IPCEF1: variants seen among roughly 807,000 people sequenced by gnomAD.
The protein encoded by IPCEF1 is interaction protein for cytohesin exchange factors 1.
A neutral mutation model predicts 50.9 loss-of-function variants in IPCEF1; 31 were observed. The observed-to-expected ratio is 0.61, with a 90% confidence interval of 0.46 to 0.82. IPCEF1 has a LOEUF of 0.82. Ranked by LOEUF, IPCEF1 falls within the 40% of genes least tolerant of loss-of-function variation. IPCEF1 has a pLI of 0.00. For synonymous variants in IPCEF1, 181 were observed against 192.0 expected, an observed-to-expected ratio of 0.94 and a Z score of 0.47; for missense variants, 458 against 514.0, an observed-to-expected ratio of 0.89 and a Z score of 1.05.
chr6:154,319,961 G>A (rs949391588), intron 1 of IPCEF1, among the ~76,000 whole-genome samples: 3 of 152,138 alleles, frequency 2.0e-5, no homozygotes, highest in African/African-American at 7.2e-5. Context: ...AGTTAAGGAG[G>A]CCAATCATAT....
At chr6:154,246,810 G>T in intron 4 of IPCEF1, 50 bp from the exon 5 acceptor site, 1 of 1,585,148 alleles carries the variant, frequency 6.3e-7, no homozygotes, top group East Asian at 2.3e-5. Context: ...TGATTTGGTA[G>T]GTAAAGTATT....
At chr6:154,329,132 C>T (rs1783594083) in intron 1 of IPCEF1, among the ~76,000 whole-genome samples, 1 of 152,146 alleles carries the variant, frequency 6.6e-6, no homozygotes, top group Admixed American at 6.6e-5. Context: ...TAAAAATCTG[C>T]CACGTGCAGT....
chr6:154,198,627 T>TACACACACACAC (rs1776815529), intron 10 of IPCEF1, among the ~76,000 whole-genome samples: 1 of 73,886 alleles, frequency 1.4e-5, no homozygotes, highest in East Asian at 9.7e-4. Context: ...TTTAAAATAT[T>TACACACACACAC]ACATACACAC....
intron 10 of IPCEF1, among the ~76,000 whole-genome samples, chr6:154,172,942 C>T (rs758703912): frequency 6.6e-6 from 1 of 152,176 alleles, no homozygotes; most frequent in Non-Finnish European, 1.5e-5. Context: ...AGTGGGTGCC[C>T]CTCTGGGGCA....
At chr6:154,185,588 T>C (rs1000204460) in intron 10 of IPCEF1, among the ~76,000 whole-genome samples, 2 of 152,210 alleles carry the variant, frequency 1.3e-5, no homozygotes, top group African/African-American at 4.8e-5. Context: ...TAACACAAAA[T>C]ATGCCATATG....
chr6:154,261,819 CT>C (rs976862963), intron 3 of IPCEF1, among the ~76,000 whole-genome samples: 1 of 152,140 alleles, frequency 6.6e-6, no homozygotes, highest in African/African-American at 2.4e-5. Context: ...TTCCTTCCCC[CT>C]ACCCCCAACA....
chr6:154,318,607 T>G (rs1186358339), intron 1 of IPCEF1, among the ~76,000 whole-genome samples: 1 of 151,508 alleles, frequency 6.6e-6, no homozygotes, highest in Non-Finnish European at 1.5e-5. Context: ...GTCTCAGCAC[T>G]TTGGGAGGCC....
intron 9 of IPCEF1, among the ~76,000 whole-genome samples, chr6:154,207,330 T>A (rs1401454129): frequency 2.6e-5 from 4 of 152,254 alleles, no homozygotes; most frequent in Non-Finnish European, 4.4e-5. Flanking sequence ...AATCATTTTT[T>A]GAAATCTTGA....
intron 5 of IPCEF1, among the ~76,000 whole-genome samples, chr6:154,231,068 A>C (rs1389765698): frequency 6.6e-6 from 1 of 152,148 alleles, no homozygotes; most frequent in Non-Finnish European, 1.5e-5. Flanking sequence ...CAAAACCCCC[A>C]GGGCACTGGA....
At chr6:154,349,430 T>G (rs1784087262) in intron 1 of IPCEF1, among the ~76,000 whole-genome samples, 1 of 151,890 alleles carries the variant, frequency 6.6e-6, no homozygotes, top group African/African-American at 2.4e-5. Context: ...TTGCTATACG[T>G]TGCTTGGGCT....
chr6:154,159,953 T>C lies in IPCEF1; in HGVS notation c.1192A>G (p.Asn398Asp). 1 of 1,613,544 alleles carries C rather than the reference T, an allele frequency of 6.2e-7. No homozygotes were observed. The highest frequency in any genetic ancestry group is 8.5e-7 in the Non-Finnish European group (1 of 1,179,994). Residue 398 changes from asparagine to aspartate, a missense_variant, in exon 12 of 12, where the codon AAC (asparagine) becomes GAC (aspartate). By Grantham distance (23) the Asn-to-Asp change is conservative. Coordinates refer to ENST00000367220, the MANE Select transcript of IPCEF1 (RefSeq NM_001130700.2). ...ARKYREWKVM[N>D]TLLIQDIYQQ... Reference sequence around the variant, plus strand: ...TAGATGTCCTGGATCAGCAGGGTGTTCATGACTTTCCACTCTCTGTATTTC... The same window carrying C: ...TAGATGTCCTGGATCAGCAGGGTGTCCATGACTTTCCACTCTCTGTATTTC...
chr6:154,229,165 G>T lies in IPCEF1; in HGVS notation c.247-5922C>A, dbSNP rs75819042. 7.2e-5 allele frequency among the ~76,000 whole-genome samples: 11 copies of T among 152,280 alleles called. No homozygotes were observed. The East Asian group carries it at 2.1e-3, about 29-fold the overall frequency. ...TGGTTGTTTGTCTGCTTCTCCAATG[G>T]ATTGTGAGTACCTTGAAGGAAATAA... On this transcript the variant is annotated intron_variant, in intron 5 of 11. Coordinates refer to ENST00000367220, the MANE Select transcript of IPCEF1 (RefSeq NM_001130700.2).
chr6:154,334,333 C>T (rs571887652), intron 1 of IPCEF1, among the ~76,000 whole-genome samples: 21 of 152,278 alleles, frequency 1.4e-4, no homozygotes, highest in South Asian at 4.2e-4. Context: ...ATTTGGAAAG[C>T]CACCGAAACT....
At chr6:154,270,942 C>T (rs7757273) in intron 2 of IPCEF1, among the ~76,000 whole-genome samples, 65,329 of 152,096 alleles carry the variant, frequency 0.43, 15,215 homozygotes, top group East Asian at 0.64. Context: ...TGCCACTGCA[C>T]TCCAGCCTAG....
chr6:154,223,704 T>C (rs1461928014), intron 5 of IPCEF1, among the ~76,000 whole-genome samples: 1 of 152,240 alleles, frequency 6.6e-6, no homozygotes, highest in Non-Finnish European at 1.5e-5. Flanking sequence ...TACATTCCTA[T>C]CATGGATTGA....
At chr6:154,166,250 G>A (rs957370995) in intron 11 of IPCEF1, among the ~76,000 whole-genome samples, 5 of 152,242 alleles carry the variant, frequency 3.3e-5, no homozygotes, top group African/African-American at 1.2e-4. Context: ...GACCCATAGG[G>A]AATGGTAACA....
chr6:154,310,437 T>C (rs2351130), intron 1 of IPCEF1, among the ~76,000 whole-genome samples: 34,469 of 152,062 alleles, frequency 0.23, 4,277 homozygotes, highest in Non-Finnish European at 0.27. Flanking sequence ...ACACTGTTGG[T>C]GGGAATGTAA....
chr6:154,232,969 CTTT>C (rs780567029), intron 5 of IPCEF1, among the ~76,000 whole-genome samples: 7 of 134,584 alleles, frequency 5.2e-5, no homozygotes, highest in Admixed American at 2.3e-4. Context: ...TTTTTCTTTT[CTTT>C]TTTTTTTTTT....
rs543369031 is a variant in IPCEF1, at chr6:154,314,439, T to C, written c.-61-24683A>G. Among the ~76,000 whole-genome samples, 7 of 152,244 alleles carry C rather than the reference T, an allele frequency of 4.6e-5. No individual in the cohort carries two copies. In the East Asian group the frequency reaches 1.4e-3, roughly 29 times the overall value. ...AGAAAAAAATGCAAACATACCTATGTTTATATTACCAACAAAGATACTAAG... is the reference window on the plus strand; with the variant it reads ...AGAAAAAAATGCAAACATACCTATGCTTATATTACCAACAAAGATACTAAG... On this transcript the variant is annotated intron_variant, in intron 1 of 11. Transcript: ENST00000367220.
Sources: gnomAD v4.1 joint callset for allele counts (sites outside exome capture counted in the v4.1 genomes callset) on GRCh38, gnomAD v4.1.1 for gene constraint, MANE v1.5 for transcripts, NCBI Gene and HGNC (gene_info 2026-07-23, HGNC 2026-07-21) for gene names.